Variants in ARMH3 observed in about 807,000 individuals in gnomAD.
The protein encoded by ARMH3 is armadillo-like helical domain-containing protein 3.
ARMH3 carries 60 observed loss-of-function variants against 99.1 expected under a neutral mutation model. The observed-to-expected ratio is 0.61, with a 90% CI of 0.49 to 0.75. The LOEUF (loss-of-function observed/expected upper bound fraction) is 0.75, where lower values mean the gene tolerates loss of function less well. Ranked by LOEUF, ARMH3 falls within the 30% of genes least tolerant of loss-of-function variation. The pLI is 0.00. For missense variants in ARMH3, 679 were observed against 843.1 expected (o/e 0.81, Z 2.41); for synonymous variants, 285 against 292.8 (o/e 0.97, Z 0.27).
At chr10:101,963,730 G>C (rs1437040293) in intron 20 of ARMH3, among the ~76,000 whole-genome samples, 1 of 152,136 alleles carries the variant, frequency 6.6e-6, no homozygotes, top group Non-Finnish European at 1.5e-5. Context: ...CTCCCGAGTA[G>C]CTGGGATTAC....
At chr10:101,981,020 GCA>G (rs1391813654) in intron 19 of ARMH3, among the ~76,000 whole-genome samples, 7 of 149,248 alleles carry the variant, frequency 4.7e-5, no homozygotes, top group Non-Finnish European at 1.0e-4. Context: ...GAGAACACAT[GCA>G]CACAGAGAGG....
At chr10:101,985,210 ATATG>A (rs1846430068) in intron 19 of ARMH3, among the ~76,000 whole-genome samples, 1 of 146,136 alleles carries the variant, frequency 6.8e-6, no homozygotes, top group South Asian at 2.1e-4. Context: ...ATATACGTAT[ATATG>A]TATATATATA....
In ARMH3 at chr10:101,849,887, C is replaced by T; in HGVS notation, c.1866G>A (p.Leu622=). The part of the protein sequence containing the change: ...HISQLSEEQV[L]EVVRANYDTL... ...TGTCATAGTTGGCTCTCACCACCTC[C>T]AGCACCTGGAGGACATCAAGGGCCA... Residue 622 remains leucine, a synonymous_variant, in exon 25 of 26, where the codon CTG becomes CTA. Transcript: ENST00000370033. The T allele has an allele frequency of 6.2e-7, 1 of 1,613,964 alleles. No homozygotes were observed. Among genetic ancestry groups the T allele is most frequent in the Non-Finnish European group, 8.5e-7 (1 of 1,179,976 alleles).
intron 9 of ARMH3, 118 bp from the exon 10 acceptor site, chr10:102,012,994 G>A: frequency 1.3e-6 from 1 of 797,124 alleles, no homozygotes; most frequent in Non-Finnish European, 1.9e-6. Flanking sequence ...CCTGAAAGTT[G>A]GCGACAAGGA....
intron 23 of ARMH3, among the ~76,000 whole-genome samples, chr10:101,913,512 C>T (rs1842955255): frequency 6.6e-6 from 1 of 151,724 alleles, no homozygotes; most frequent in African/African-American, 2.4e-5. Flanking sequence ...ACTACAGGTG[C>T]ACGTCACATA....
intron 23 of ARMH3, among the ~76,000 whole-genome samples, chr10:101,919,367 G>T (rs1843213324): frequency 6.6e-6 from 1 of 152,042 alleles, no homozygotes; most frequent in African/African-American, 2.4e-5. Context: ...ATTAGCTAAG[G>T]CTATCTTCAT....
intron 23 of ARMH3, among the ~76,000 whole-genome samples, chr10:101,922,255 T>C (rs1288357642): frequency 6.6e-6 from 1 of 152,186 alleles, no homozygotes; most frequent in African/African-American, 2.4e-5. Context: ...CCTTTTTTGT[T>C]TTTCTGAGAA....
chr10:101,929,942 G>T (rs1442317461), intron 23 of ARMH3, among the ~76,000 whole-genome samples: 1 of 151,922 alleles, frequency 6.6e-6, no homozygotes, highest in Non-Finnish European at 1.5e-5. Flanking sequence ...TACCAGTTGA[G>T]CATCCCTAAT....
At chr10:102,023,782 T>C in intron 6 of ARMH3, 33 bp from the exon 7 acceptor site, 1 of 1,568,900 alleles carries the variant, frequency 6.4e-7, no homozygotes, top group Non-Finnish European at 8.8e-7. Context: ...TAAAGTCTGT[T>C]CTGAGGTATT....
chr10:101,947,170 G>C (rs920383898), intron 22 of ARMH3, among the ~76,000 whole-genome samples: 4 of 151,686 alleles, frequency 2.6e-5, no homozygotes, highest in African/African-American at 7.3e-5. Flanking sequence ...CTAGGCGACA[G>C]AGCGAGACTC....
intron 19 of ARMH3, among the ~76,000 whole-genome samples, chr10:101,988,986 T>C (rs1344666435): frequency 1.3e-5 from 2 of 148,992 alleles, no homozygotes; most frequent in Non-Finnish European, 3.0e-5. Context: ...AAATCCTTTA[T>C]ACCTCCCTAG....
chr10:101,905,257 T>C (rs1016672757), intron 23 of ARMH3, among the ~76,000 whole-genome samples: 1 of 152,210 alleles, frequency 6.6e-6, no homozygotes, highest in African/African-American at 2.4e-5. Flanking sequence ...TGTAAAGGCC[T>C]TGGAAGATTA....
chr10:102,050,270 G>A (rs144297921), intron 1 of ARMH3, among the ~76,000 whole-genome samples: 1,568 of 151,840 alleles, frequency 0.01, 30 homozygotes, highest in African/African-American at 0.032. Flanking sequence ...GTGAAACCCC[G>A]TCTCTACTAA....
chr10:101,910,262 A>T (rs1252107474), intron 23 of ARMH3, among the ~76,000 whole-genome samples: 2 of 152,242 alleles, frequency 1.3e-5, no homozygotes, highest in African/African-American at 4.8e-5. Context: ...AAGGGGAACA[A>T]GCTTTTCCCT....
chr10:102,043,543 A>T (rs2067471422), intron 1 of ARMH3, among the ~76,000 whole-genome samples: 1 of 152,220 alleles, frequency 6.6e-6, no homozygotes, highest in African/African-American at 2.4e-5. Flanking sequence ...TGAGAAATAA[A>T]TGGAGTAGAA....
At chr10:101,869,007 G>A (rs1286476609) in intron 24 of ARMH3, among the ~76,000 whole-genome samples, 3 of 151,852 alleles carry the variant, frequency 2.0e-5, no homozygotes, top group Non-Finnish European at 2.9e-5. Context: ...GGGAGGCAGA[G>A]GTTGCAGTGA....
At chr10:101,911,260 A>G (rs17114265) in intron 23 of ARMH3, among the ~76,000 whole-genome samples, 1,886 of 152,324 alleles carry the variant, frequency 0.012, 49 homozygotes, top group East Asian at 0.11. Context: ...TAAGCTGTCA[A>G]TGGGTGCCAG....
intron 2 of ARMH3, among the ~76,000 whole-genome samples, chr10:102,033,766 C>T (rs2067188938): frequency 6.6e-6 from 1 of 152,148 alleles, no homozygotes. Flanking sequence ...TTCTAAACTG[C>T]TAGAAGGGGA....
rs1413608300 is a variant in ARMH3, at chr10:101,956,656, T to C, written c.1646A>G (p.Asp549Gly). The change falls in exon 22 of 26, where the codon GAT becomes GGT. Residue 549 changes from aspartate to glycine, a missense_variant. By Grantham distance (94) the Asp-to-Gly change is moderately conservative. Transcript: ENST00000370033. Reference sequence around the variant, plus strand: ...GCGGATAATCTCATAGTAAAGTTCATCATAGCTGCTGGGGGTTGGCAGAAA... The same window carrying C: ...GCGGATAATCTCATAGTAAAGTTCACCATAGCTGCTGGGGGTTGGCAGAAA... ...DTFLPTPSSYDELYYEIIRMH... is the reference protein window; with the variant it reads ...DTFLPTPSSYGELYYEIIRMH... 4 of 1,613,712 alleles carry C rather than the reference T, an allele frequency of 2.5e-6. No homozygotes were observed. Among genetic ancestry groups the C allele is most frequent in the Admixed American group, 1.7e-5 (1 of 59,992 alleles).
Sources: allele counts gnomAD v4.1 joint callset (sites outside exome capture counted in the v4.1 genomes callset), GRCh38; gene constraint gnomAD v4.1.1; transcripts MANE v1.5; gene names NCBI Gene and HGNC (gene_info 2026-07-23, HGNC 2026-07-21).